Variants in NRG2 observed in about 807,000 individuals in gnomAD.
NRG2 encodes neuregulin 2, also known as pro-neuregulin-2, membrane-bound isoform.
In NRG2, 27 loss-of-function variants were observed where a neutral mutation model predicts 73.9. The observed-to-expected ratio is 0.37, with a 90% CI of 0.27 to 0.50. The LOEUF is 0.50. Among genes scored for constraint, NRG2 ranks in the 20% least tolerant of loss-of-function variants. The pLI is 0.96. For missense variants in NRG2, 1,126 were observed against 1,210.1 expected (o/e 0.93, Z 1.03); for synonymous variants, 532 against 541.0 (o/e 0.98, Z 0.23).
At chr5:139,979,804 G>C (rs1166396746) in intron 1 of NRG2, among the ~76,000 whole-genome samples, 2 of 152,192 alleles carry the variant, frequency 1.3e-5, no homozygotes, top group African/African-American at 2.4e-5. Context: ...GACTGCAATG[G>C]CATGAGAGAC....
In NRG2 at chr5:140,017,174, G is replaced by T. The variant is rs1759853369; in HGVS notation, c.700+25196C>A. ...GCAGATAGACTCCAGAAAGATTTAGGAAGTAAAAGTGATAAGATGTGGGGA... is the reference window on the plus strand; with the variant it reads ...GCAGATAGACTCCAGAAAGATTTAGTAAGTAAAAGTGATAAGATGTGGGGA... On this transcript the variant is annotated intron_variant, in intron 1 of 9. Transcript: ENST00000361474. 1.1e-4 allele frequency among the ~76,000 whole-genome samples: 16 copies of T among 152,316 alleles called. No individual in the cohort carries two copies. The South Asian group carries it at 3.3e-3, about 32-fold the overall frequency.
At chr5:139,950,275 T>C (rs1441037809) in intron 1 of NRG2, among the ~76,000 whole-genome samples, 3 of 152,206 alleles carry the variant, frequency 2.0e-5, no homozygotes, top group Non-Finnish European at 4.4e-5. Flanking sequence ...CGGTACCATC[T>C]CAACCTACTT....
chr5:139,927,434 C>T (rs1306754210), intron 1 of NRG2, among the ~76,000 whole-genome samples: 1 of 152,136 alleles, frequency 6.6e-6, no homozygotes. Flanking sequence ...TGCTCCTGGT[C>T]CCAAAGTCCT....
chr5:139,955,351 C>T (rs561863411), intron 1 of NRG2, among the ~76,000 whole-genome samples: 2 of 151,928 alleles, frequency 1.3e-5, no homozygotes, highest in African/African-American at 2.4e-5. Context: ...GGAGCAGCAG[C>T]GGCAGAGGCC....
chr5:139,880,901 T>G lies in NRG2; in HGVS notation c.946A>C (p.Ile316Leu). 6.2e-7 allele frequency: 1 copy of G among 1,614,140 alleles called. No individual in the cohort carries two copies. Among genetic ancestry groups the G allele is most frequent in the African/African-American group, 1.3e-5 (1 of 75,056 alleles). ...CCCCGGACGGTGTCCTTCCCCAGGA[T>G]GTTCTCGGCCTCGCAGACATACTCC... ...AGEYVCEAENILGKDTVRGRL... is the reference protein window; with the variant it reads ...AGEYVCEAENLLGKDTVRGRL... The change falls in exon 3 of 10, where the codon ATC becomes CTC. Residue 316 changes from isoleucine (I) to leucine (L), a missense_variant. Physicochemically the swap from Ile to Leu is conservative, Grantham distance 5. This residue lies in a region of NRG2 where 539 missense variants were observed against 703.2 expected (regional missense o/e 0.77). Coordinates refer to ENST00000361474, the MANE Select transcript of NRG2 (RefSeq NM_004883.3).
intron 1 of NRG2, among the ~76,000 whole-genome samples, chr5:139,970,413 C>T (rs1755877605): frequency 6.6e-6 from 1 of 152,134 alleles, no homozygotes; most frequent in African/African-American, 2.4e-5. Flanking sequence ...CATAGGACCA[C>T]CAAGACTAGA....
At chr5:139,874,912 T>C (rs532830196) in intron 3 of NRG2, among the ~76,000 whole-genome samples, 90 of 152,342 alleles carry the variant, frequency 5.9e-4, no homozygotes, top group Non-Finnish European at 9.8e-4. Flanking sequence ...TCACCTGACT[T>C]CTTAAGCTGG....
At chr5:139,968,914 A>T (rs528990931) in intron 1 of NRG2, among the ~76,000 whole-genome samples, 1 of 152,334 alleles carries the variant, frequency 6.6e-6, no homozygotes, top group African/African-American at 2.4e-5. Flanking sequence ...AGGAGCTGAG[A>T]CGCAGCCTGC....
intron 1 of NRG2, among the ~76,000 whole-genome samples, chr5:139,912,198 T>C (rs1750879469): frequency 6.6e-6 from 1 of 152,184 alleles, no homozygotes. Flanking sequence ...ATGCAATCTC[T>C]TTCCAGGCAG....
chr5:139,899,897 T>G (rs1444391478), intron 1 of NRG2, among the ~76,000 whole-genome samples: 2 of 152,206 alleles, frequency 1.3e-5, no homozygotes, highest in Admixed American at 1.3e-4. Context: ...ATCCTGCCAC[T>G]AATTCATGGT....
chr5:139,952,561 T>C (rs1428290771), intron 1 of NRG2, among the ~76,000 whole-genome samples: 1 of 152,146 alleles, frequency 6.6e-6, no homozygotes, highest in Non-Finnish European at 1.5e-5. Flanking sequence ...TGGTTTCAAG[T>C]GGGTCCTTCC....
intron 1 of NRG2, among the ~76,000 whole-genome samples, chr5:139,966,199 G>A (rs1755502910): frequency 6.6e-6 from 1 of 152,154 alleles, no homozygotes; most frequent in Admixed American, 6.5e-5. Flanking sequence ...CAGGAGTGAT[G>A]CACCTAAACA....
intron 1 of NRG2, among the ~76,000 whole-genome samples, chr5:139,952,211 CCTGCTCCT>C (rs1166868639): frequency 3.9e-5 from 6 of 152,196 alleles, no homozygotes; most frequent in Non-Finnish European, 8.8e-5. Context: ...CTTTTCCTAC[CCTGCTCCT>C]CTGCCCAGCC....
intron 1 of NRG2, among the ~76,000 whole-genome samples, chr5:139,928,946 C>A (rs1752264988): frequency 6.6e-6 from 1 of 152,226 alleles, no homozygotes; most frequent in Admixed American, 6.5e-5. Context: ...TCATTCTCAT[C>A]ATGGCCATCA....
chr5:139,886,246 G>A (rs1350466057), intron 2 of NRG2, among the ~76,000 whole-genome samples: 2 of 152,204 alleles, frequency 1.3e-5, no homozygotes, highest in Non-Finnish European at 1.5e-5. Flanking sequence ...AGAACTGGAA[G>A]TAACTCCCAG....
Position 139,982,969 on chromosome 5 carries a change from C to G in NRG2, c.700+59401G>C, listed in dbSNP as rs565578544. Among the ~76,000 whole-genome samples the G allele has an allele frequency of 1.8e-4, 27 of 152,352 alleles. No homozygotes were observed. The South Asian group carries it at 5.4e-3, about 30-fold the overall frequency. On this transcript the variant is annotated intron_variant, in intron 1 of 9. Transcript: ENST00000361474. ...CCTTTATCAGGCTTTATCAGCCCAG[C>G]TCCCAACTCTGCCAGGCCAGGCCCT...
At chr5:140,002,724 T>C (rs1367577991) in intron 1 of NRG2, among the ~76,000 whole-genome samples, 1 of 152,202 alleles carries the variant, frequency 6.6e-6, no homozygotes, top group Non-Finnish European at 1.5e-5. Context: ...CACGAGTTTT[T>C]TTTATTTGTC....
rs73271410 is a variant in NRG2 at position 139,867,237 on chromosome 5, A to C, written c.1113-1612T>G. On this transcript the variant is annotated intron_variant, in intron 4 of 9. Coordinates refer to ENST00000361474, the MANE Select transcript of NRG2 (RefSeq NM_004883.3). ...GGGAATGGGAGTGGTAGTTGAGCAG[A>C]GGGCTAGAGTTTCTCTGGGCCTTGA... 6.0e-3 allele frequency among the ~76,000 whole-genome samples: 921 copies of C among 152,260 alleles called. 12 individuals are homozygous for C. The highest frequency in any genetic ancestry group is 0.021 in the African/African-American group (887 of 41,554).
At chr5:139,884,454 G>A (rs1051300853) in intron 2 of NRG2, among the ~76,000 whole-genome samples, 3 of 152,218 alleles carry the variant, frequency 2.0e-5, no homozygotes, top group Non-Finnish European at 4.4e-5. Context: ...TTGTAGGCCA[G>A]GAAGAGGAGT....
Sources: allele counts gnomAD v4.1 joint callset (sites outside exome capture counted in the v4.1 genomes callset), GRCh38; gene constraint gnomAD v4.1.1; regional missense constraint gnomAD v4.1.1; transcripts MANE v1.5; gene names NCBI Gene and HGNC (gene_info 2026-07-23, HGNC 2026-07-21).